The following DCDC2 variants were observed in gnomAD, a reference collection of about 807,000 sequenced individuals.
DCDC2 encodes doublecortin domain-containing protein 2.
In DCDC2, 40 loss-of-function variants were observed where a neutral mutation model predicts 50.2. The ratio of observed to expected loss-of-function variants is 0.80; its 90% confidence interval spans 0.62 to 1.04. DCDC2 has a LOEUF of 1.04. Ranked by LOEUF, DCDC2 falls within the 50% of genes least tolerant of loss-of-function variation. The probability of loss-of-function intolerance (pLI) is 0.00; values close to 1 mark genes in which losing one functional copy is unlikely to be tolerated. For synonymous variants in DCDC2, 234 were observed against 210.6 expected (o/e 1.11, Z -0.96); for missense variants, 570 against 581.9 (o/e 0.98, Z 0.21).
At chr6:24,376,232 T>G in the DCDC2 span, among the ~76,000 whole-genome samples, 3 of 152,156 alleles carry the variant, frequency 2.0e-5, no homozygotes, top group East Asian at 3.9e-4. Flanking sequence ...ACGTATTCAA[T>G]ATAAATTCTA....
In DCDC2 at chr6:24,176,469, T is replaced by TC. The variant is rs1407311389; in HGVS notation, c.1327-1636dup. Among the ~76,000 whole-genome samples the TC allele has an allele frequency of 6.5e-5, 9 of 138,058 alleles. No individual in the cohort carries two copies. The East Asian group carries it at 4.2e-3, about 64-fold the overall frequency. The allele number at this position is 138,058 out of a possible 152,430, so 90.6% of individuals were successfully genotyped here. A position where few individuals can be genotyped will look rare whatever the true frequency, so the allele number is the denominator to read the frequency against. ...CCAATTCCTATCAAAAGCCTATTTTTCCCCTTTAAAAAAATATTCATTTGT... is the reference window on the plus strand; with the variant it reads ...CCAATTCCTATCAAAAGCCTATTTTTCCCCCTTTAAAAAAATATTCATTTGT... On this transcript the variant is annotated intron_variant, in intron 9 of 9. Coordinates refer to ENST00000378454, the MANE Select transcript of DCDC2 (RefSeq NM_016356.5).
At chr6:24,200,284 G>T (rs372292144) in intron 8 of DCDC2, among the ~76,000 whole-genome samples, 5 of 152,202 alleles carry the variant, frequency 3.3e-5, no homozygotes, top group African/African-American at 1.2e-4. Context: ...TCCACAACGG[G>T]AAGTCCATCA....
chr6:24,363,971 C>A, the DCDC2 span, among the ~76,000 whole-genome samples: 1 of 152,294 alleles, frequency 6.6e-6, no homozygotes, highest in Non-Finnish European at 1.5e-5. Context: ...ATATACTACT[C>A]TTGTTGCTTT....
intron 6 of DCDC2, among the ~76,000 whole-genome samples, chr6:24,288,513 C>A (rs865989622): frequency 6.6e-6 from 1 of 152,148 alleles, no homozygotes. Context: ...CCCTTTTAGT[C>A]TTCGTTAAAG....
chr6:24,270,992 C>T lies in DCDC2; in HGVS notation c.922+7057G>A, dbSNP rs372385014. ...ATCCCAGCACATTGGGAGGCCAAGG[C>T]AGGCAGATCACTTGAGCTTAGGAGT... On this transcript the variant is annotated intron_variant, in intron 7 of 9. Coordinates refer to ENST00000378454, the MANE Select transcript of DCDC2 (RefSeq NM_016356.5). Among the ~76,000 whole-genome samples the T allele has an allele frequency of 2.0e-5, 3 of 152,048 alleles. No individual in the cohort carries two copies. The East Asian group carries it at 5.8e-4, about 29-fold the overall frequency.
At chr6:24,201,343 A>T (rs1355760038) in intron 8 of DCDC2, among the ~76,000 whole-genome samples, 2 of 152,364 alleles carry the variant, frequency 1.3e-5, no homozygotes, top group East Asian at 3.9e-4. Flanking sequence ...CTCAGAATTA[A>T]GGAACTCATG....
At chr6:24,286,906 CA>C (rs1763623581) in intron 6 of DCDC2, among the ~76,000 whole-genome samples, 1 of 152,144 alleles carries the variant, frequency 6.6e-6, no homozygotes, top group Non-Finnish European at 1.5e-5. Flanking sequence ...GAATAATCAT[CA>C]CTTCCTGCTG....
Position 24,172,648 on chromosome 6 carries a change from A to C in DCDC2, c.*2082T>G, listed in dbSNP as rs1760807108. ...ATTTAATCAGTTATTTTTAGAAACT[A>C]TTTGAAATCATTAACTCCAGACCCA... is the stretch of plus-strand genomic sequence containing the variant. On this transcript the variant is annotated 3_prime_UTR_variant, in exon 10 of 10. Coordinates refer to ENST00000378454, the MANE Select transcript of DCDC2 (RefSeq NM_016356.5). The C allele has an allele frequency of 6.6e-6, 1 of 152,148 alleles. No homozygotes were observed. The highest frequency in any genetic ancestry group is 1.5e-5 in the Non-Finnish European group (1 of 68,030). The allele number at this position is 152,148 out of a possible 1,614,324, so 9.4% of individuals were successfully genotyped here. A position where few individuals can be genotyped will look rare whatever the true frequency, so the allele number is the denominator to read the frequency against.
At chr6:24,335,296 C>A (rs958599950) in intron 2 of DCDC2, among the ~76,000 whole-genome samples, 1 of 151,992 alleles carries the variant, frequency 6.6e-6, no homozygotes, top group Non-Finnish European at 1.5e-5. Context: ...AGATAGGATG[C>A]GATAACTAAA....
chr6:24,348,508 A>G (rs537555311), intron 2 of DCDC2, among the ~76,000 whole-genome samples: 319 of 152,268 alleles, frequency 2.1e-3, no homozygotes, highest in Non-Finnish European at 3.8e-3. Flanking sequence ...AAATGTGTCT[A>G]TCCTCTAAGC....
At chr6:24,271,879 A>G (rs193217815) in intron 7 of DCDC2, among the ~76,000 whole-genome samples, 1 of 152,332 alleles carries the variant, frequency 6.6e-6, no homozygotes, top group East Asian at 1.9e-4. Context: ...AGTTTTGAAA[A>G]TACCTCTGTA....
At chr6:24,342,588 G>A (rs1297129931) in intron 2 of DCDC2, among the ~76,000 whole-genome samples, 1 of 151,954 alleles carries the variant, frequency 6.6e-6, no homozygotes, top group African/African-American at 2.4e-5. Flanking sequence ...TGCCATCTTG[G>A]CATACAACCG....
rs997502310 is a variant in DCDC2 at position 24,173,559 on chromosome 6, TC to T, written c.*1170del. Reference sequence around the variant, plus strand: ...TTTTTATGTTTTCCCCATACATACCTCACAAGGCAACTATAAATCAATTTAG... The same window carrying T: ...TTTTTATGTTTTCCCCATACATACCTACAAGGCAACTATAAATCAATTTAG... On this transcript the variant is annotated 3_prime_UTR_variant, in exon 10 of 10. Transcript: ENST00000378454. 1.3e-5 allele frequency: 2 copies of T among 152,172 alleles called. No homozygotes were observed. Among genetic ancestry groups the T allele is most frequent in the Admixed American group, 6.5e-5 (1 of 15,282 alleles). The allele number at this position is 152,172 out of a possible 1,614,324, so 9.4% of individuals were successfully genotyped here.
At chr6:24,290,229 G>C (rs938719472) in intron 5 of DCDC2, among the ~76,000 whole-genome samples, 9 of 151,590 alleles carry the variant, frequency 5.9e-5, no homozygotes, top group Non-Finnish European at 1.0e-4. Flanking sequence ...TCCTGACCTC[G>C]TGATCCGCCC....
intron 7 of DCDC2, among the ~76,000 whole-genome samples, chr6:24,211,479 G>A (rs1445953588): frequency 6.6e-6 from 1 of 152,180 alleles, no homozygotes; most frequent in Non-Finnish European, 1.5e-5. Flanking sequence ...ATGGCAAAGA[G>A]GAATTACGGT....
At chr6:24,304,000 ACT>A (rs1759426666) in intron 2 of DCDC2, among the ~76,000 whole-genome samples, 3 of 152,230 alleles carry the variant, frequency 2.0e-5, no homozygotes, top group Admixed American at 6.5e-5. Context: ...TTTTTCTGTG[ACT>A]CTCAAGTGCC....
chr6:24,362,654 A>G (rs1408362297), upstream of DCDC2, among the ~76,000 whole-genome samples: 1 of 152,112 alleles, frequency 6.6e-6, no homozygotes, highest in Non-Finnish European at 1.5e-5. Context: ...CAGGCACACA[A>G]TTCTCCTGAC....
chr6:24,174,198 G>C lies in DCDC2; in HGVS notation c.*532C>G, dbSNP rs917682802. On this transcript the variant is annotated 3_prime_UTR_variant, in exon 10 of 10. Transcript: ENST00000378454. ...CTTTGTAGTTCAAAGGTGGATTTTGGCTAAGGAGGAAGAAAGAAAGGCATG... is the reference window on the plus strand; with the variant it reads ...CTTTGTAGTTCAAAGGTGGATTTTGCCTAAGGAGGAAGAAAGAAAGGCATG... The C allele has an allele frequency of 1.3e-5, 2 of 152,712 alleles. No individual in the cohort carries two copies. The highest frequency in any genetic ancestry group is 3.9e-4 in the East Asian group (2 of 5,190). 9.5% of individuals were successfully genotyped at this position (152,712 alleles called of 1,614,324 possible). A position where few individuals can be genotyped will look rare whatever the true frequency, so the allele number is the denominator to read the frequency against.
chr6:24,351,450 C>T (rs534221579), intron 2 of DCDC2, among the ~76,000 whole-genome samples: 1 of 152,326 alleles, frequency 6.6e-6, no homozygotes, highest in African/African-American at 2.4e-5. Flanking sequence ...AGTTTCTGAA[C>T]ACCTTTTCCC....
Sources: allele counts gnomAD v4.1 joint callset (sites outside exome capture counted in the v4.1 genomes callset), GRCh38; gene constraint gnomAD v4.1.1; transcripts MANE v1.5; gene names NCBI Gene and HGNC (gene_info 2026-07-23, HGNC 2026-07-21).